C5: variants seen among roughly 807,000 people sequenced by gnomAD.
C5 encodes complement C5.
C5 carries 140 observed loss-of-function variants against 218.8 expected under a neutral mutation model. The ratio of observed to expected loss-of-function variants is 0.64; its 90% CI spans 0.56 to 0.74. The LOEUF (loss-of-function observed/expected upper bound fraction) is 0.74. Ranked by LOEUF, C5 falls within the 30% of genes least tolerant of loss-of-function variation. C5 has a pLI of 0.00. For synonymous variants in C5, 614 were observed against 682.3 expected (o/e 0.90, Z 1.56); for missense variants, 1,700 against 1,969.6 (o/e 0.86, Z 2.59).
the C5 span, among the ~76,000 whole-genome samples, chr9:121,063,593 T>C: frequency 6.6e-6 from 1 of 152,110 alleles, no homozygotes; most frequent in Non-Finnish European, 1.5e-5. Flanking sequence ...TTGTAATTTT[T>C]TGTTAAAACT....
At chr9:121,019,245 T>G (rs1341666465) in intron 12 of C5, among the ~76,000 whole-genome samples, 1 of 152,216 alleles carries the variant, frequency 6.6e-6, no homozygotes, top group Admixed American at 6.5e-5. Context: ...CCATAAACAG[T>G]TTCCCTTTAT....
At chr9:121,065,074 A>ATAT in the C5 span, among the ~76,000 whole-genome samples, 2 of 150,346 alleles carry the variant, frequency 1.3e-5, no homozygotes, top group Non-Finnish European at 3.0e-5. Context: ...CATCTAAAAA[A>ATAT]ATATATATAT....
At chr9:121,071,432 C>G in the C5 span, among the ~76,000 whole-genome samples, 1 of 151,810 alleles carries the variant, frequency 6.6e-6, no homozygotes, top group East Asian at 1.9e-4. Flanking sequence ...TGCGTGTAAT[C>G]CCAGCACTTT....
In C5 at chr9:120,997,652, CA is replaced by C. The variant is rs759812097; in HGVS notation, c.2684del (p.Leu895TrpfsTer2). The C allele has an allele frequency of 6.2e-7, 1 of 1,614,094 alleles. No homozygotes were observed. Among genetic ancestry groups the C allele is most frequent in the Middle Eastern group, 1.7e-4 (1 of 6,060 alleles). ...CCAGAGGAAGCACAGTGAATGTCACCAAGTGACTGGAGGAGCCCTCTACTTT... is the reference window on the plus strand; with the variant it reads ...CCAGAGGAAGCACAGTGAATGTCACCAGTGACTGGAGGAGCCCTCTACTTT... ...RQKVEGSSSH[L>X]VTFTVLPLEI... On this transcript the variant is annotated frameshift_variant, in exon 21 of 41. Coordinates refer to ENST00000223642, the MANE Select transcript of C5 (RefSeq NM_001735.3). LOFTEE classifies it high-confidence loss of function.
intron 5 of C5, 84 bp downstream of exon 5, chr9:121,034,719 C>A: frequency 2.7e-6 from 2 of 744,126 alleles, no homozygotes; most frequent in South Asian, 1.5e-5. Flanking sequence ...CCTTTGTTAA[C>A]ATTAGGTGGC....
chr9:120,982,712 A>G lies in C5; in HGVS notation c.3333T>C (p.Tyr1111=). 1 of 1,607,150 alleles carries G rather than the reference A, an allele frequency of 6.2e-7. No individual in the cohort carries two copies. The highest frequency in any genetic ancestry group is 8.5e-7 in the Non-Finnish European group (1 of 1,174,426). The change falls in exon 26 of 41, where the codon TAT becomes TAC. Residue 1111 remains tyrosine, a synonymous_variant. Transcript: ENST00000223642. ...CCTTGAAAGATCCATTATCTAATTG[A>G]TAATTCTCAACTAGCCACAATAAAG... is the stretch of plus-strand genomic sequence containing the variant. The part of the protein sequence containing the change: ...CNSLLWLVEN[Y]QLDNGSFKEN...
At chr9:120,987,590 A>G (rs922987695) in intron 25 of C5, among the ~76,000 whole-genome samples, 34 of 147,758 alleles carry the variant, frequency 2.3e-4, no homozygotes, top group African/African-American at 8.4e-4. Flanking sequence ...GTGAGCCGAG[A>G]TCGTGCCACT....
chr9:121,002,326 A>G lies in C5; in HGVS notation c.2562+3593T>C, dbSNP rs1358680332. 5.5e-3 allele frequency among the ~76,000 whole-genome samples: 430 copies of G among 77,934 alleles called. 3 individuals are homozygous for G. Among genetic ancestry groups the G allele is most frequent in the Middle Eastern group, 0.014 (2 of 142 alleles). The allele number at this position is 77,934 out of a possible 152,430, so 51.1% of individuals were successfully genotyped here. On this transcript the variant is annotated intron_variant, in intron 20 of 40. Transcript: ENST00000223642. Reference sequence around the variant, plus strand: ...TATATATATGTGTGTGTATATATATATATATATATATATATACACACATAC... The same window carrying G: ...TATATATATGTGTGTGTATATATATGTATATATATATATATACACACATAC...
chr9:121,059,569 A>G, the C5 span, among the ~76,000 whole-genome samples: 1 of 152,248 alleles, frequency 6.6e-6, no homozygotes, highest in Non-Finnish European at 1.5e-5. The surrounding 1 kb of genome is among the most constrained non-coding windows in gnomAD (Gnocchi z 4.1). Context: ...TGTGGTAGCC[A>G]GACTCCAAGA....
chr9:120,984,311 T>C (rs1297554069), intron 25 of C5, among the ~76,000 whole-genome samples: 1 of 152,180 alleles, frequency 6.6e-6, no homozygotes, highest in Non-Finnish European at 1.5e-5. Flanking sequence ...CTATTGACTT[T>C]TAGGGGGTAA....
the C5 span, chr9:121,074,760 C>T: frequency 8.8e-6 from 4 of 453,582 alleles, no homozygotes; most frequent in South Asian, 4.7e-5. Context: ...TCACCTGCAA[C>T]GCAATCCGAA....
chr9:121,014,965 G>T (rs2047293886), intron 16 of C5, among the ~76,000 whole-genome samples: 1 of 152,044 alleles, frequency 6.6e-6, no homozygotes, highest in Admixed American at 6.6e-5. Context: ...TAATATTTTG[G>T]ATTTTAGAGC....
intron 17 of C5, among the ~76,000 whole-genome samples, chr9:121,012,069 G>C (rs936624690): frequency 1.3e-5 from 2 of 152,054 alleles, no homozygotes; most frequent in Non-Finnish European, 2.9e-5. Flanking sequence ...GGTGACTACA[G>C]TCAATAATAA....
intron 1 of C5, among the ~76,000 whole-genome samples, chr9:121,049,759 T>C (rs980005294): frequency 4.6e-5 from 7 of 152,202 alleles, no homozygotes; most frequent in Non-Finnish European, 1.0e-4. Context: ...CATAAATGTA[T>C]GGTAGAAGTC....
intron 12 of C5, among the ~76,000 whole-genome samples, chr9:121,018,798 G>GAAGGAAGA (rs2047338679): frequency 6.9e-6 from 1 of 145,410 alleles, no homozygotes; most frequent in African/African-American, 2.6e-5. Context: ...AGGAAGGAAG[G>GAAGGAAGA]AAGAAAGAGT....
At chr9:120,960,991 C>A (rs1286230362) in intron 37 of C5, among the ~76,000 whole-genome samples, 5 of 151,654 alleles carry the variant, frequency 3.3e-5, no homozygotes, top group Admixed American at 6.6e-5. Context: ...TTTGAAAAAA[C>A]CAAAACTAAC....
intron 17 of C5, 46 bp from the exon 18 acceptor site, chr9:121,008,544 C>G: frequency 7.3e-7 from 1 of 1,369,208 alleles, no homozygotes; most frequent in Non-Finnish European, 1.0e-6. Context: ...AATATAAATT[C>G]TACTTATAGG....
At chr9:120,960,054 T>G (rs1220800867) in intron 38 of C5, among the ~76,000 whole-genome samples, 194 bp downstream of exon 38, 1 of 150,726 alleles carries the variant, frequency 6.6e-6, no homozygotes, top group African/African-American at 2.5e-5. Flanking sequence ...TTATTTATAA[T>G]GAAAATCACA....
chr9:120,987,402 T>C (rs896710528), intron 25 of C5, among the ~76,000 whole-genome samples: 3 of 151,906 alleles, frequency 2.0e-5, no homozygotes, highest in African/African-American at 7.3e-5. Context: ...CCCAGCCCTT[T>C]GGGAGGTTGA....
Sources: gnomAD v4.1 joint callset for allele counts (sites outside exome capture counted in the v4.1 genomes callset) on GRCh38, gnomAD v4.1.1 for gene constraint, Gnocchi (gnomAD v3.1) non-coding constraint, MANE v1.5 for transcripts, NCBI Gene and HGNC (gene_info 2026-07-23, HGNC 2026-07-21) for gene names.